The following CCDC191 variants were observed in gnomAD, a reference collection of about 807,000 sequenced individuals.
CCDC191 encodes the protein coiled-coil domain-containing protein 191.
Under a neutral mutation model 114.0 loss-of-function variants are expected in CCDC191, and 99 were observed. That is an observed-to-expected ratio of 0.87 (90% confidence interval 0.74 to 1.03). CCDC191 has a LOEUF of 1.03. CCDC191 is among the 50% of genes least tolerant of loss of function. The pLI, the probability that CCDC191 is intolerant of heterozygous loss-of-function variation, is 0.00. For synonymous variants in CCDC191, 351 were observed against 376.0 expected, an observed-to-expected ratio of 0.93 and a Z score of 0.77; for missense variants, 973 against 1,087.0, an observed-to-expected ratio of 0.90 and a Z score of 1.47.
chr3:113,968,906 G>A (rs897459160), intron 16 of CCDC191, among the ~76,000 whole-genome samples: 6 of 152,016 alleles, frequency 3.9e-5, no homozygotes, highest in Admixed American at 3.9e-4. Context: ...AAAAAAAGAG[G>A]TTTATTGGAC....
intron 13 of CCDC191, among the ~76,000 whole-genome samples, chr3:113,985,450 C>G (rs148350403): frequency 1.6e-3 from 237 of 152,136 alleles, no homozygotes; most frequent in African/African-American, 5.3e-3. Flanking sequence ...CAGACTGAGA[C>G]AGTGGTGGAT....
Position 114,018,838 on chromosome 3 carries a change from T to C in CCDC191, c.1003A>G (p.Lys335Glu), listed in dbSNP as rs1382218879. 5 of 1,613,758 alleles carry C rather than the reference T, an allele frequency of 3.1e-6. 1 individual carries two copies. The South Asian group carries it at 5.5e-5, about 18-fold the overall frequency. ...TTAATCCTATGATCAAGAATCAGCT[T>C]GTGCCAGGCAGCGAAATACCGTTTT... ...CQKRYFAAWH[K>E]LILDHRIKLG... Residue 335 changes from lysine (K) to glutamate (E), a missense_variant, in exon 8 of 17, where the codon AAG becomes GAG. By Grantham distance (56) the Lys-to-Glu change is moderately conservative (BLOSUM62 1). Transcript: ENST00000295878.
intron 8 of CCDC191, among the ~76,000 whole-genome samples, chr3:114,013,267 A>G (rs931780383): frequency 1.3e-5 from 2 of 151,978 alleles, no homozygotes; most frequent in African/African-American, 4.8e-5. Flanking sequence ...AAAAAGTAAA[A>G]AAGAAAAAAC....
Position 114,018,801 on chromosome 3 carries a change from G to A in CCDC191, c.1040C>T (p.Ala347Val), listed in dbSNP as rs2076202881. The A allele has an allele frequency of 2.5e-6, 4 of 1,613,870 alleles. 1 individual carries two copies. The highest frequency in any genetic ancestry group is 2.2e-5 in the South Asian group (2 of 91,068). The stretch of plus-strand genomic sequence containing the variant: ...AATCTTCCAGTCAGACAGGGTCCCA[G>A]CTTTCCCCAGCTTAATCCTATGATC... ...ILDHRIKLGK[A>V]GTLSDWKIQL... Residue 347 changes from alanine (A) to valine (V), a missense_variant, in exon 8 of 17, where the codon GCT becomes GTT. Physicochemically the swap from Ala to Val is moderately conservative, Grantham distance 64. Transcript: ENST00000295878.
At chr3:114,031,901 G>T in intron 6 of CCDC191, 122 bp from the exon 7 acceptor site, 1 of 577,808 alleles carries the variant, frequency 1.7e-6, no homozygotes, top group African/African-American at 1.9e-5. Context: ...TTTTAGATCT[G>T]GCTCTAAAAC....
chr3:114,047,089 GC>G (rs1467809745), intron 2 of CCDC191: 1 of 974,572 alleles, frequency 1.0e-6, no homozygotes, highest in Non-Finnish European at 1.2e-6. Flanking sequence ...TAGTTTTCAT[GC>G]CCTTAGGACT....
intron 16 of CCDC191, 69 bp downstream of exon 16, chr3:113,978,117 A>G: frequency 6.5e-7 from 1 of 1,549,632 alleles, no homozygotes. Flanking sequence ...GACACATTGT[A>G]GGAGCAGAAT....
At chr3:114,027,561 C>T (rs2076338942) in intron 7 of CCDC191, among the ~76,000 whole-genome samples, 1 of 129,338 alleles carries the variant, frequency 7.7e-6, no homozygotes, top group African/African-American at 3.0e-5. Context: ...AAGATTGTGC[C>T]ATTGCACTCC....
At chr3:114,029,146 G>A (rs915319980) in intron 7 of CCDC191, among the ~76,000 whole-genome samples, 1 of 152,014 alleles carries the variant, frequency 6.6e-6, no homozygotes, top group Admixed American at 6.5e-5. Context: ...GTGAGGACAG[G>A]TAAAACACAA....
intron 7 of CCDC191, among the ~76,000 whole-genome samples, chr3:114,028,343 C>T (rs563818563): frequency 1.2e-4 from 17 of 143,802 alleles, no homozygotes; most frequent in Admixed American, 3.6e-4. Context: ...TGGAGTGCAG[C>T]GGCATGATCT....
chr3:114,005,739 G>A lies in CCDC191; in HGVS notation c.1637C>T (p.Pro546Leu), dbSNP rs141402448. 2,586 of 1,614,100 alleles carry A rather than the reference G, an allele frequency of 1.6e-3. 4 individuals are homozygous for A. The highest frequency in any genetic ancestry group is 2.1e-3 in the Non-Finnish European group (2,422 of 1,179,996). The change falls in exon 10 of 17, where the codon CCG (proline) becomes CTG (leucine). Residue 546 changes from proline to leucine, a missense_variant. By Grantham distance (98) the Pro-to-Leu change is moderately conservative (BLOSUM62 -3). Transcript: ENST00000295878. ...GTTGTGGAAATGACCCAAGCAAAGC[G>A]GTTCTGCTTTCTGGCTGGTAGTTCT... ...TLRTTSQKAE[P>L]LCLGHFHNRH...
intron 2 of CCDC191, among the ~76,000 whole-genome samples, chr3:114,051,906 G>A (rs750665018): frequency 6.6e-6 from 1 of 152,196 alleles, no homozygotes; most frequent in Admixed American, 6.6e-5. Context: ...CCATGGAGGA[G>A]AGGATTTCTA....
At chr3:114,056,561 G>A (rs1343687589), upstream of CCDC191, 2 of 1,605,140 alleles carry the variant, frequency 1.2e-6, no homozygotes, top group Non-Finnish European at 8.5e-7. Context: ...TAGTTCCTCC[G>A]CCCGCAAGGA....
At chr3:114,056,267 TG>T in intron 1 of CCDC191, 109 bp downstream of exon 1, 2 of 1,009,944 alleles carry the variant, frequency 2.0e-6, no homozygotes, top group Non-Finnish European at 3.1e-6. Flanking sequence ...GGCAGGGGCG[TG>T]TCAGCTCAGG....
At chr3:113,999,984 A>T (rs1243551555) in intron 13 of CCDC191, among the ~76,000 whole-genome samples, 1 of 152,208 alleles carries the variant, frequency 6.6e-6, no homozygotes, top group African/African-American at 2.4e-5. Flanking sequence ...TGTTAGGTGG[A>T]ATTATGATCG....
At chr3:113,991,037 G>A (rs1343447845) in intron 13 of CCDC191, among the ~76,000 whole-genome samples, 3 of 150,664 alleles carry the variant, frequency 2.0e-5, no homozygotes, top group Non-Finnish European at 4.4e-5. Flanking sequence ...AAAGTTCAAG[G>A]CCAACCTGGC....
chr3:113,979,061 TAAAC>T (rs772547150), intron 14 of CCDC191, 51 bp from the exon 15 acceptor site: 72 of 1,528,914 alleles, frequency 4.7e-5, no homozygotes, highest in African/African-American at 4.6e-4. Context: ...TTAAATCATT[TAAAC>T]AAACACATCA....
chr3:114,029,463 A>G (rs1421719509), intron 7 of CCDC191, among the ~76,000 whole-genome samples: 1 of 152,226 alleles, frequency 6.6e-6, no homozygotes, highest in Non-Finnish European at 1.5e-5. Context: ...AATTTCAATT[A>G]AGTATAGAAG....
At chr3:114,003,557 A>G (rs1577393755) in intron 11 of CCDC191, 1 of 985,384 alleles carries the variant, frequency 1.0e-6, no homozygotes, top group Non-Finnish European at 1.2e-6. Flanking sequence ...TTCTAGATCT[A>G]ATCATCAAAA....
Sources: allele counts gnomAD v4.1 joint callset (sites outside exome capture counted in the v4.1 genomes callset), GRCh38; gene constraint gnomAD v4.1.1; transcripts MANE v1.5; gene names NCBI Gene and HGNC (gene_info 2026-07-23, HGNC 2026-07-21).